Variants in SLC24A4 observed in about 807,000 individuals in gnomAD.
SLC24A4 encodes the protein solute carrier family 24 member 4.
In SLC24A4, 53 loss-of-function variants were observed where a neutral mutation model predicts 79.0. That is an observed-to-expected ratio of 0.67 (90% CI 0.54 to 0.84). The LOEUF (loss-of-function observed/expected upper bound fraction) is 0.84, where lower values mean the gene tolerates loss of function less well. SLC24A4 is among the 40% of genes least tolerant of loss of function. The pLI is 0.00. For missense variants in SLC24A4, 731 were observed against 822.0 expected, an observed-to-expected ratio of 0.89 and a Z score of 1.35; for synonymous variants, 323 against 323.8, an observed-to-expected ratio of 1.00 and a Z score of 0.03.
At chr14:92,345,933 G>A (rs957782347) in intron 2 of SLC24A4, among the ~76,000 whole-genome samples, 1 of 152,154 alleles carries the variant, frequency 6.6e-6, no homozygotes, top group African/African-American at 2.4e-5. Context: ...GATAAGTATT[G>A]TGAGGAAAAT....
intron 12 of SLC24A4, among the ~76,000 whole-genome samples, chr14:92,467,569 C>CAG (rs2139880860): frequency 6.6e-6 from 1 of 152,282 alleles, no homozygotes; most frequent in East Asian, 1.9e-4. Flanking sequence ...AGCTGAGGGA[C>CAG]AGAGAGGGGA....
intron 2 of SLC24A4, among the ~76,000 whole-genome samples, chr14:92,389,315 G>A (rs2141730804): frequency 6.6e-6 from 1 of 152,318 alleles, no homozygotes; most frequent in South Asian, 2.1e-4. Context: ...CAACACACAT[G>A]CAGTGGGTGT....
chr14:92,469,044 G>T (rs1595337696), intron 12 of SLC24A4, among the ~76,000 whole-genome samples: 1 of 152,058 alleles, frequency 6.6e-6, no homozygotes, highest in African/African-American at 2.4e-5. Context: ...GGTATGCAAA[G>T]ATGCTCACAT....
Position 92,323,836 on chromosome 14 carries a change from G to T in SLC24A4, c.6G>T (p.Ala2=). 1 of 1,576,280 alleles carries T rather than the reference G, an allele frequency of 6.3e-7. No homozygotes were observed. The highest frequency in any genetic ancestry group is 1.1e-5 in the South Asian group (1 of 87,504). Residue 2 remains alanine (A), a synonymous_variant, in exon 1 of 17, where the codon GCG becomes GCT. Coordinates refer to ENST00000532405, the MANE Select transcript of SLC24A4 (RefSeq NM_153646.4). The surrounding 1 kb of genome is among the most constrained non-coding windows in gnomAD (Gnocchi z 4.9). The part of the protein sequence containing the change: M[A]LRGTLRPLKV... ...CGGCACCCAGGCGCTCCGGGATGGC[G>T]CTCCGCGGGACCCTCCGGCCGCTCA... is the stretch of plus-strand genomic sequence containing the variant.
Position 92,493,808 on chromosome 14 carries a change from C to A in SLC24A4, c.*180C>A. 1 of 700,230 alleles carries A rather than the reference C, an allele frequency of 1.4e-6. No individual in the cohort carries two copies. The highest frequency in any genetic ancestry group is 2.0e-5 in the South Asian group (1 of 50,894). 43.4% of individuals were successfully genotyped at this position (700,230 alleles called of 1,614,324 possible). A position where few individuals can be genotyped will look rare whatever the true frequency, so the allele number is the denominator to read the frequency against. On this transcript the variant is annotated 3_prime_UTR_variant, in exon 17 of 17. Transcript: ENST00000532405. ...GCCACAGGCCAGGCTGCTGGGCATC[C>A]TCCTCCTCCTTGGAGTTCCGCCCCT...
At chr14:92,342,399 T>TA (rs1566698730) in intron 2 of SLC24A4, among the ~76,000 whole-genome samples, 1 of 151,734 alleles carries the variant, frequency 6.6e-6, no homozygotes, top group East Asian at 1.9e-4. Flanking sequence ...TTTATTTATT[T>TA]TGAGATGGAC....
rs1555365263 is a variant in SLC24A4 at position 92,393,566 on chromosome 14, T to TTA, written c.242-40346_242-40345insTA. On this transcript the variant is annotated intron_variant, in intron 2 of 16. Transcript: ENST00000532405. ...CACTCTTTTTTTTTTTTTTTTTTTT[T>TTA]ACGGAGTCTCGCTCTGTCGCCCAGG... Among the ~76,000 whole-genome samples the TTA allele has an allele frequency of 4.1e-5, 6 of 146,214 alleles. No homozygotes were observed. The East Asian group carries it at 8.1e-4, about 20-fold the overall frequency.
intron 10 of SLC24A4, 106 bp downstream of exon 10, chr14:92,449,322 AC>A (rs1478435708): frequency 9.7e-7 from 1 of 1,030,164 alleles, no homozygotes; most frequent in African/African-American, 1.8e-5. Context: ...ACACACACAC[AC>A]CCTCTCACAA....
intron 2 of SLC24A4, among the ~76,000 whole-genome samples, chr14:92,326,700 A>G (rs1375266074): frequency 6.6e-6 from 1 of 152,128 alleles, no homozygotes; most frequent in Non-Finnish European, 1.5e-5. Context: ...GAGCACTTCT[A>G]TGCTTGAGCT....
intron 12 of SLC24A4, among the ~76,000 whole-genome samples, chr14:92,474,399 G>A (rs1894597297): frequency 6.6e-6 from 1 of 152,140 alleles, no homozygotes; most frequent in African/African-American, 2.4e-5. Context: ...TTCCAGTCTA[G>A]CTTCAGAACT....
chr14:92,477,101 C>G (rs1216336715), intron 12 of SLC24A4, among the ~76,000 whole-genome samples: 1 of 152,186 alleles, frequency 6.6e-6, no homozygotes, highest in East Asian at 1.9e-4. Flanking sequence ...CTTTGAGAAA[C>G]TGTCAGACTG....
intron 2 of SLC24A4, among the ~76,000 whole-genome samples, chr14:92,374,066 G>A (rs1004528092): frequency 4.6e-5 from 7 of 152,198 alleles, no homozygotes; most frequent in African/African-American, 1.2e-4. Flanking sequence ...TATTGCACCC[G>A]TTTACCTTGG....
At chr14:92,364,586 A>C (rs149353306) in intron 2 of SLC24A4, among the ~76,000 whole-genome samples, 14 of 152,292 alleles carry the variant, frequency 9.2e-5, no homozygotes, top group Admixed American at 4.6e-4. Context: ...CACACAGCCC[A>C]GTGGAAAATG....
chr14:92,335,209 C>G (rs1195946354), intron 2 of SLC24A4, among the ~76,000 whole-genome samples: 1 of 152,230 alleles, frequency 6.6e-6, no homozygotes, highest in South Asian at 2.1e-4. Context: ...TCACAGTTTC[C>G]CCTATTATTG....
intron 10 of SLC24A4, among the ~76,000 whole-genome samples, chr14:92,449,856 G>C (rs1372708233): frequency 6.6e-6 from 1 of 152,250 alleles, no homozygotes; most frequent in Non-Finnish European, 1.5e-5. Context: ...GGAACTGGGG[G>C]TCTGGGCCTC....
chr14:92,390,491 G>A (rs867201446), intron 2 of SLC24A4, among the ~76,000 whole-genome samples: 2 of 152,168 alleles, frequency 1.3e-5, no homozygotes, highest in African/African-American at 2.4e-5. Context: ...ATTATTCCCC[G>A]AGTTAAGATC....
At chr14:92,418,577 G>C (rs11160064) in intron 2 of SLC24A4, among the ~76,000 whole-genome samples, 3,045 of 152,270 alleles carry the variant, frequency 0.02, 97 homozygotes, top group African/African-American at 0.069. Flanking sequence ...TCCAAAATCT[G>C]TATGCCAGGC....
At position 92,486,154 on chromosome 14, in the gene SLC24A4, T is replaced by C. The variant is rs995348336; in HGVS notation, c.1423-512T>C. On this transcript the variant is annotated intron_variant, in intron 13 of 16. Transcript: ENST00000532405. ...TCTCACCCCCAAGGCTTTGGAAGAA[T>C]GATTCTTGAATATCAGTGTCAAAAG... Among the ~76,000 whole-genome samples the C allele has an allele frequency of 2.0e-5, 3 of 152,330 alleles. No individual in the cohort carries two copies. In the East Asian group the frequency reaches 5.8e-4, roughly 29 times the overall value.
rs185713611 is a variant in SLC24A4, at chr14:92,334,867, C to T, written c.241+8889C>T. 2.1e-4 allele frequency among the ~76,000 whole-genome samples: 30 copies of T among 145,938 alleles called. 1 individual carries two copies. The highest frequency in any genetic ancestry group is 6.9e-4 in the African/African-American group (28 of 40,608). On this transcript the variant is annotated intron_variant, in intron 2 of 16. Coordinates refer to ENST00000532405, the MANE Select transcript of SLC24A4 (RefSeq NM_153646.4). ...ACCATACGGAGCCCGTGGTAGCTGC[C>T]ATCATCATCATCATCATCATCGTCA... is the stretch of plus-strand genomic sequence containing the variant.
Sources: allele counts gnomAD v4.1 joint callset (sites outside exome capture counted in the v4.1 genomes callset), GRCh38; gene constraint gnomAD v4.1.1; non-coding constraint Gnocchi (gnomAD v3.1); transcripts MANE v1.5; gene names NCBI Gene and HGNC (gene_info 2026-07-23, HGNC 2026-07-21).